ANKFN1: variants seen among roughly 807,000 people sequenced by gnomAD.
ANKFN1 encodes the protein ankyrin repeat and fibronectin type-III domain-containing protein 1.
A neutral mutation model predicts 108.7 loss-of-function variants in ANKFN1; 74 were observed. The observed-to-expected ratio is 0.68, with a 90% CI of 0.56 to 0.83. The LOEUF is 0.83. ANKFN1 is among the 40% of genes least tolerant of loss of function. The pLI is 0.00. For synonymous variants in ANKFN1, 547 were observed against 516.2 expected (o/e 1.06, Z -0.81); for missense variants, 1,505 against 1,382.3 (o/e 1.09, Z -1.41).
At chr17:56,443,185 T>G (rs919955342) in intron 10 of ANKFN1, among the ~76,000 whole-genome samples, 1 of 152,168 alleles carries the variant, frequency 6.6e-6, no homozygotes, top group African/African-American at 2.4e-5. Context: ...TCTTATCATC[T>G]GTGTGGCCTT....
chr17:56,202,651 A>G (rs1299985287), intron 1 of ANKFN1, among the ~76,000 whole-genome samples: 1 of 152,156 alleles, frequency 6.6e-6, no homozygotes, highest in Non-Finnish European at 1.5e-5. Context: ...GCCTCCTCCA[A>G]GAAGATATCC....
At chr17:56,145,560 C>G (rs1908207556) in intron 4 of ANKFN1, among the ~76,000 whole-genome samples, 1 of 152,158 alleles carries the variant, frequency 6.6e-6, no homozygotes, top group South Asian at 2.1e-4. Context: ...AGAACTAACT[C>G]ACTGTCACAA....
chr17:56,170,843 C>CAT (rs371806147), intron 1 of ANKFN1, among the ~76,000 whole-genome samples: 3,095 of 133,706 alleles, frequency 0.023, 78 homozygotes, highest in East Asian at 0.046. Flanking sequence ...CATATACACA[C>CAT]ATATATATAT....
intron 4 of ANKFN1, among the ~76,000 whole-genome samples, chr17:56,108,627 C>T (rs893486846): frequency 6.6e-6 from 1 of 152,192 alleles, no homozygotes; most frequent in Non-Finnish European, 1.5e-5. Context: ...GCAGCTAGTA[C>T]AGGGCAGAAC....
chr17:56,046,696 A>G (rs1366073386), intron 4 of ANKFN1, among the ~76,000 whole-genome samples: 1 of 152,108 alleles, frequency 6.6e-6, no homozygotes, highest in Non-Finnish European at 1.5e-5. Context: ...TTTCTTTGCT[A>G]TCAAGCGCCT....
At chr17:56,129,227 CA>C (rs1308158548) in intron 4 of ANKFN1, among the ~76,000 whole-genome samples, 1 of 152,160 alleles carries the variant, frequency 6.6e-6, no homozygotes. Flanking sequence ...AATGCCCTGA[CA>C]ATTGGAGATG....
intron 4 of ANKFN1, among the ~76,000 whole-genome samples, chr17:56,119,478 T>C (rs1431312): frequency 0.54 from 81,289 of 151,798 alleles, 22,065 homozygotes; most frequent in East Asian, 0.81. Flanking sequence ...ACCAGGCCAG[T>C]AGAACATGAT....
intron 3 of ANKFN1, among the ~76,000 whole-genome samples, chr17:56,301,167 G>A (rs1216739280): frequency 1.3e-5 from 2 of 152,130 alleles, no homozygotes; most frequent in African/African-American, 4.8e-5. Context: ...AGGCAGAAAT[G>A]TCCCATGTAT....
In ANKFN1 at chr17:56,323,146, G is replaced by C. The variant is rs1871933231; in HGVS notation, c.54-3075G>C. The C allele has an allele frequency of 2.0e-5, 3 of 152,260 alleles. No individual in the cohort carries two copies. In the South Asian group the frequency reaches 6.2e-4, roughly 32 times the overall value. The allele number at this position is 152,260 out of a possible 1,614,324, so 9.4% of individuals were successfully genotyped here. On this transcript the variant is annotated intron_variant, in intron 3 of 20. Transcript: ENST00000682825. ...GGGGGTGGAATTGGGTGGAGGGGAA[G>C]TTCTGAGTGTGGAACAAACATTCTC...
intron 8 of ANKFN1, among the ~76,000 whole-genome samples, chr17:56,417,603 A>G (rs964971628): frequency 6.6e-6 from 1 of 152,156 alleles, no homozygotes; most frequent in Admixed American, 6.5e-5. Context: ...TTAGTGCATG[A>G]ATGTATCTGC....
chr17:56,500,621 G>T (rs1307775902), intron 20 of ANKFN1, among the ~76,000 whole-genome samples: 1 of 152,180 alleles, frequency 6.6e-6, no homozygotes, highest in Non-Finnish European at 1.5e-5. Flanking sequence ...TGGTATGAAG[G>T]ATAAGCAGGA....
chr17:56,409,708 C>T (rs2048031079), intron 8 of ANKFN1, among the ~76,000 whole-genome samples: 1 of 152,190 alleles, frequency 6.6e-6, no homozygotes, highest in Admixed American at 6.5e-5. Flanking sequence ...CAGACAGCTA[C>T]ATCATGATTA....
intron 8 of ANKFN1, among the ~76,000 whole-genome samples, chr17:56,423,335 T>C (rs2048466724): frequency 6.6e-6 from 1 of 152,192 alleles, no homozygotes; most frequent in Non-Finnish European, 1.5e-5. Flanking sequence ...TAGCTAGCAG[T>C]GGGCAAAGTC....
intron 4 of ANKFN1, among the ~76,000 whole-genome samples, chr17:56,060,048 C>A (rs189181557): frequency 6.6e-6 from 1 of 152,238 alleles, no homozygotes; most frequent in African/African-American, 2.4e-5. Context: ...AATATTGATT[C>A]TTCCTATCCA....
At chr17:56,291,963 A>G (rs75477501) in intron 3 of ANKFN1, among the ~76,000 whole-genome samples, 8,157 of 152,184 alleles carry the variant, frequency 0.054, 732 homozygotes, top group African/African-American at 0.19. Context: ...GTTTATGACA[A>G]ATTTTTATTA....
intron 3 of ANKFN1, among the ~76,000 whole-genome samples, chr17:56,254,658 A>G (rs2043315480): frequency 6.6e-6 from 1 of 152,170 alleles, no homozygotes; most frequent in Non-Finnish European, 1.5e-5. Context: ...GCACATCAGA[A>G]TCACCAGGGA....
At chr17:56,409,493 G>T (rs1307738028) in intron 8 of ANKFN1, among the ~76,000 whole-genome samples, 1 of 152,202 alleles carries the variant, frequency 6.6e-6, no homozygotes, top group Non-Finnish European at 1.5e-5. Context: ...ACAACACGGA[G>T]ATGACTTCTG....
chr17:56,499,771 A>G (rs764616196), intron 20 of ANKFN1, among the ~76,000 whole-genome samples: 4 of 152,156 alleles, frequency 2.6e-5, no homozygotes, highest in Non-Finnish European at 5.9e-5. Context: ...ATGAATTTCT[A>G]CAAAATACCT....
chr17:56,260,400 C>CGGT (rs906727587), intron 3 of ANKFN1, among the ~76,000 whole-genome samples: 5 of 150,538 alleles, frequency 3.3e-5, no homozygotes, highest in African/African-American at 4.9e-5. Flanking sequence ...TATTAAAAAT[C>CGGT]GGTGGTGGTG....
Sources: gnomAD v4.1 joint callset for allele counts (sites outside exome capture counted in the v4.1 genomes callset) on GRCh38, gnomAD v4.1.1 for gene constraint, MANE v1.5 for transcripts, NCBI Gene and HGNC (gene_info 2026-07-23, HGNC 2026-07-21) for gene names.